RNF216: variants seen among roughly 807,000 people sequenced by gnomAD.
The protein encoded by RNF216 is ring finger protein 216.
A neutral mutation model predicts 110.8 loss-of-function variants in RNF216; 72 were observed. That is an observed-to-expected ratio of 0.65 (90% CI 0.54 to 0.79). RNF216 has a LOEUF of 0.79. Among genes scored for constraint, RNF216 ranks in the 30% least tolerant of loss-of-function variants. The pLI, the probability that RNF216 is intolerant of heterozygous loss-of-function variation, is 0.00. For synonymous variants in RNF216, 495 were observed against 407.5 expected (o/e 1.21, Z -2.59); for missense variants, 1,342 against 1,141.2 (o/e 1.18, Z -2.54).
At chr7:5,702,705 G>A (rs180759840) in intron 13 of RNF216, among the ~76,000 whole-genome samples, 1 of 152,322 alleles carries the variant, frequency 6.6e-6, no homozygotes, top group East Asian at 1.9e-4. Context: ...AGTCTGTGAT[G>A]AATAGATTCA....
intron 1 of RNF216, 89 bp from the exon 2 acceptor site, chr7:5,761,227 G>A (rs1378051722): frequency 2.9e-5 from 14 of 481,996 alleles, no homozygotes; most frequent in Non-Finnish European, 4.7e-5. Flanking sequence ...TGAAGCTTAT[G>A]CTGAAAACAT....
intron 14 of RNF216, among the ~76,000 whole-genome samples, chr7:5,644,098 G>C (rs1787905952): frequency 6.6e-6 from 1 of 152,050 alleles, no homozygotes; most frequent in Non-Finnish European, 1.5e-5. Context: ...TTGATGGATT[G>C]AGTTTTTTTT....
intron 7 of RNF216, among the ~76,000 whole-genome samples, chr7:5,728,232 T>TA (rs1221179175): frequency 6.6e-6 from 1 of 152,202 alleles, no homozygotes; most frequent in Non-Finnish European, 1.5e-5. Flanking sequence ...ACCCTTGGTC[T>TA]ACCTTAGGTT....
intron 7 of RNF216, among the ~76,000 whole-genome samples, chr7:5,728,303 G>A (rs1793880771): frequency 6.6e-6 from 1 of 151,598 alleles, no homozygotes; most frequent in Non-Finnish European, 1.5e-5. Context: ...TTTTTGGCCA[G>A]GCACGGTGGC....
At chr7:5,628,253 C>T (rs1047090765) in intron 15 of RNF216, among the ~76,000 whole-genome samples, 5 of 152,138 alleles carry the variant, frequency 3.3e-5, no homozygotes, top group East Asian at 1.9e-4. Context: ...TTGGGAGTCA[C>T]GCCCTTAGGA....
At chr7:5,717,128 C>T (rs1469884107) in intron 9 of RNF216, among the ~76,000 whole-genome samples, 1 of 152,088 alleles carries the variant, frequency 6.6e-6, no homozygotes, top group Non-Finnish European at 1.5e-5. Flanking sequence ...CCGAGGTGGG[C>T]AGATCACCTG....
At chr7:5,750,636 C>T (rs1795280827) in intron 3 of RNF216, among the ~76,000 whole-genome samples, 2 of 152,188 alleles carry the variant, frequency 1.3e-5, no homozygotes, top group African/African-American at 4.8e-5. Context: ...AGTCTCATGC[C>T]TAATGCATGG....
chr7:5,647,758 A>C (rs1256771415), intron 14 of RNF216, among the ~76,000 whole-genome samples: 3 of 152,158 alleles, frequency 2.0e-5, no homozygotes, highest in Non-Finnish European at 4.4e-5. Context: ...TCAGCTACCA[A>C]GACCTGTTGA....
intron 1 of RNF216, among the ~76,000 whole-genome samples, chr7:5,773,672 A>C (rs1361816260): frequency 6.6e-6 from 1 of 152,164 alleles, no homozygotes; most frequent in African/African-American, 2.4e-5. Flanking sequence ...GGTTCAAGCG[A>C]TTCTCCTGCC....
intron 13 of RNF216, among the ~76,000 whole-genome samples, chr7:5,704,530 T>G (rs1792167545): frequency 6.6e-6 from 1 of 152,276 alleles, no homozygotes; most frequent in Admixed American, 6.5e-5. Context: ...ACGTAGCGAT[T>G]TGCTTTGGTA....
At chr7:5,753,077 C>T in intron 2 of RNF216, 98 bp from the exon 3 acceptor site, 1 of 1,246,800 alleles carries the variant, frequency 8.0e-7, no homozygotes, top group Non-Finnish European at 1.1e-6. Context: ...AAGCCAACTT[C>T]ATGGCTACTA....
intron 15 of RNF216, among the ~76,000 whole-genome samples, chr7:5,636,676 G>A (rs902799181): frequency 6.6e-6 from 1 of 152,192 alleles, no homozygotes; most frequent in Non-Finnish European, 1.5e-5. Flanking sequence ...TCAAGGAAAC[G>A]GGGCTGATCG....
At chr7:5,623,863 T>C (rs1013009815) in intron 16 of RNF216, among the ~76,000 whole-genome samples, 193 bp downstream of exon 16, 1 of 152,140 alleles carries the variant, frequency 6.6e-6, no homozygotes, top group African/African-American at 2.4e-5. Context: ...CAAAACTATA[T>C]TCAAGGCGTT....
At chr7:5,741,856 A>C in intron 3 of RNF216, 41 bp from the exon 4 acceptor site, 1 of 1,553,986 alleles carries the variant, frequency 6.4e-7, no homozygotes, top group African/African-American at 1.4e-5. Context: ...TTTCTTTCCT[A>C]TGCCTATCCC....
intron 13 of RNF216, among the ~76,000 whole-genome samples, chr7:5,659,548 C>G (rs988982551): frequency 6.6e-6 from 1 of 152,150 alleles, no homozygotes; most frequent in African/African-American, 2.4e-5. Flanking sequence ...GTTTGGAAAG[C>G]TAGGCTGACC....
At chr7:5,694,698 T>C (rs1434781591) in intron 13 of RNF216, among the ~76,000 whole-genome samples, 1 of 152,228 alleles carries the variant, frequency 6.6e-6, no homozygotes, top group East Asian at 1.9e-4. Flanking sequence ...ATGGTGGCCA[T>C]GCCCTTCAGC....
At chr7:5,625,824 G>C (rs1786671833) in intron 15 of RNF216, among the ~76,000 whole-genome samples, 2 of 152,226 alleles carry the variant, frequency 1.3e-5, no homozygotes, top group Admixed American at 1.3e-4. Flanking sequence ...ACTCCCTGGA[G>C]ATTGGTTCTA....
intron 12 of RNF216, among the ~76,000 whole-genome samples, chr7:5,712,472 CAAA>C (rs777046723): frequency 9.1e-6 from 1 of 109,460 alleles, no homozygotes. Context: ...GAATCCACCT[CAAA>C]AAAAAAAAAA....
intron 15 of RNF216, among the ~76,000 whole-genome samples, chr7:5,638,651 G>A (rs1288624257): frequency 7.2e-6 from 1 of 138,426 alleles, no homozygotes; most frequent in Non-Finnish European, 1.5e-5. Context: ...TTTTTTTTTG[G>A]GGGGGAGACA....
Sources: gnomAD v4.1 joint callset for allele counts (sites outside exome capture counted in the v4.1 genomes callset) on GRCh38, gnomAD v4.1.1 for gene constraint, MANE v1.5 for transcripts, NCBI Gene and HGNC (gene_info 2026-07-23, HGNC 2026-07-21) for gene names.